LRRIQ3: variants seen among roughly 807,000 people sequenced by gnomAD.
LRRIQ3 encodes the protein leucine-rich repeat and IQ domain-containing protein 3.
In LRRIQ3, 75 loss-of-function variants were observed where a neutral mutation model predicts 59.3. The ratio of observed to expected loss-of-function variants is 1.26; its 90% CI spans 1.05 to 1.53. The LOEUF (loss-of-function observed/expected upper bound fraction) is 1.53, where lower values mean the gene tolerates loss of function less well. Ranked by LOEUF, LRRIQ3 falls within the 40% of genes most tolerant of loss-of-function variation. The pLI is 0.00. For synonymous variants in LRRIQ3, 250 were observed against 231.3 expected, an observed-to-expected ratio of 1.08 and a Z score of -0.73; for missense variants, 831 against 710.0, an observed-to-expected ratio of 1.17 and a Z score of -1.94.
chr1:74,106,571 C>A (rs4142949), intron 5 of LRRIQ3, among the ~76,000 whole-genome samples: 73,374 of 151,626 alleles, frequency 0.48, 18,732 homozygotes, highest in East Asian at 0.82. Context: ...AAGGAATTAC[C>A]ACACAGTCCA....
intron 1 of LRRIQ3, among the ~76,000 whole-genome samples, chr1:74,195,436 T>C (rs1414854057): frequency 6.6e-6 from 1 of 152,200 alleles, no homozygotes; most frequent in African/African-American, 2.4e-5. Context: ...ACAACAGTCA[T>C]AGTTATATGC....
chr1:74,051,936 G>A (rs1244495040), intron 6 of LRRIQ3, among the ~76,000 whole-genome samples: 1 of 151,892 alleles, frequency 6.6e-6, no homozygotes, highest in Non-Finnish European at 1.5e-5. Context: ...CATAAAGAGT[G>A]AAAAAAATAG....
chr1:74,145,416 T>G (rs1281856075), intron 4 of LRRIQ3, among the ~76,000 whole-genome samples: 1 of 152,184 alleles, frequency 6.6e-6, no homozygotes, highest in Non-Finnish European at 1.5e-5. Context: ...TCCTGAATTT[T>G]TCGTGAGCTT....
chr1:74,174,316 T>C (rs1649508430), intron 3 of LRRIQ3, among the ~76,000 whole-genome samples: 1 of 151,828 alleles, frequency 6.6e-6, no homozygotes, highest in Non-Finnish European at 1.5e-5. Flanking sequence ...TGAAACTCTC[T>C]ATTGAATTTT....
At chr1:74,074,614 C>T (rs1453541074) in intron 6 of LRRIQ3, 47 bp downstream of exon 6, 1 of 891,714 alleles carries the variant, frequency 1.1e-6, no homozygotes, top group Admixed American at 4.1e-5. Flanking sequence ...ATTTACTCTT[C>T]ATCAAAATAT....
At chr1:74,188,213 A>G (rs1389562792) in intron 1 of LRRIQ3, among the ~76,000 whole-genome samples, 1 of 152,186 alleles carries the variant, frequency 6.6e-6, no homozygotes, top group Non-Finnish European at 1.5e-5. Flanking sequence ...TGGAAGCTAA[A>G]TTATGAAAAC....
At chr1:74,185,399 T>C (rs1484774585) in intron 1 of LRRIQ3, among the ~76,000 whole-genome samples, 2 of 152,158 alleles carry the variant, frequency 1.3e-5, no homozygotes, top group Admixed American at 6.5e-5. Flanking sequence ...ATATATGATG[T>C]TGAGCATCTT....
chr1:74,176,614 G>A (rs1337814857), intron 3 of LRRIQ3, among the ~76,000 whole-genome samples: 2 of 146,522 alleles, frequency 1.4e-5, no homozygotes, highest in African/African-American at 5.1e-5. Flanking sequence ...TAATTCCATG[G>A]ATACCTGAAG....
chr1:74,158,317 A>T (rs374192376), intron 3 of LRRIQ3, among the ~76,000 whole-genome samples: 3 of 152,202 alleles, frequency 2.0e-5, no homozygotes, highest in East Asian at 3.9e-4. Context: ...TAATATATTT[A>T]TTGGCTTGCC....
At chr1:74,176,528 C>A (rs572377451) in intron 3 of LRRIQ3, among the ~76,000 whole-genome samples, 5 of 152,266 alleles carry the variant, frequency 3.3e-5, no homozygotes, top group African/African-American at 1.2e-4. Flanking sequence ...GCCATTATTT[C>A]TTAATCAGGC....
chr1:74,037,629 T>A (rs919099516), intron 7 of LRRIQ3, among the ~76,000 whole-genome samples: 2 of 151,810 alleles, frequency 1.3e-5, no homozygotes, highest in Non-Finnish European at 2.9e-5. Flanking sequence ...AAACTGTGTC[T>A]CAAAACAAAA....
At chr1:74,058,509 C>G (rs550343132) in intron 6 of LRRIQ3, among the ~76,000 whole-genome samples, 12 of 151,954 alleles carry the variant, frequency 7.9e-5, no homozygotes, top group Non-Finnish European at 1.5e-4. Context: ...TATATGGAAG[C>G]TAAAAAAGTT....
At chr1:74,118,410 T>C (rs1260901672) in intron 4 of LRRIQ3, among the ~76,000 whole-genome samples, 1 of 152,166 alleles carries the variant, frequency 6.6e-6, no homozygotes, top group Non-Finnish European at 1.5e-5. Context: ...ACTAACCCAT[T>C]ACTTTTTAAC....
At chr1:74,139,373 G>T (rs1647191213) in intron 4 of LRRIQ3, among the ~76,000 whole-genome samples, 1 of 151,654 alleles carries the variant, frequency 6.6e-6, no homozygotes, top group South Asian at 2.1e-4. Flanking sequence ...CCATGCAATT[G>T]CATACACCAA....
At chr1:74,055,737 TA>T (rs1654513623) in intron 6 of LRRIQ3, among the ~76,000 whole-genome samples, 2 of 152,168 alleles carry the variant, frequency 1.3e-5, no homozygotes, top group African/African-American at 4.8e-5. Context: ...GAAATAAAAT[TA>T]GGGGTTCATA....
chr1:74,165,332 T>A (rs1052353361), intron 3 of LRRIQ3, among the ~76,000 whole-genome samples: 4 of 151,602 alleles, frequency 2.6e-5, no homozygotes, highest in African/African-American at 9.7e-5. Context: ...TAGATTTATA[T>A]ATTAAGTATT....
intron 5 of LRRIQ3, chr1:74,084,230 C>A: frequency 6.5e-7 from 1 of 1,542,634 alleles, no homozygotes; most frequent in Non-Finnish European, 8.8e-7. Context: ...AAGAAAAATA[C>A]AGTAATAAAG....
chr1:74,128,803 A>C (rs1287549162), intron 4 of LRRIQ3, among the ~76,000 whole-genome samples: 1 of 152,110 alleles, frequency 6.6e-6, no homozygotes, highest in African/African-American at 2.4e-5. Flanking sequence ...TGATCTCTGT[A>C]GTCATATATA....
chr1:74,093,109 T>C (rs1646412071), intron 5 of LRRIQ3, among the ~76,000 whole-genome samples: 1 of 151,660 alleles, frequency 6.6e-6, no homozygotes, highest in Non-Finnish European at 1.5e-5. Flanking sequence ...ACTAAGTTTT[T>C]GAATGAAATG....
Sources: allele counts gnomAD v4.1 joint callset (sites outside exome capture counted in the v4.1 genomes callset), GRCh38; gene constraint gnomAD v4.1.1; transcripts MANE v1.5; gene names NCBI Gene and HGNC (gene_info 2026-07-23, HGNC 2026-07-21).